The following NEDD9 variants were observed in gnomAD, a reference collection of about 807,000 sequenced individuals.
NEDD9 encodes the protein neural precursor cell expressed, developmentally down-regulated 9, also known as enhancer of filamentation 1.
A neutral mutation model predicts 76.6 loss-of-function variants in NEDD9; 26 were observed. That is an observed-to-expected ratio of 0.34 (90% CI 0.25 to 0.47). NEDD9 has a LOEUF of 0.47. Among genes scored for constraint, NEDD9 ranks in the 20% least tolerant of loss-of-function variants. The pLI is 1.00. For missense variants in NEDD9, 937 were observed against 1,058.5 expected (o/e 0.89, Z 1.59); for synonymous variants, 392 against 414.2 (o/e 0.95, Z 0.65).
intron 1 of NEDD9, among the ~76,000 whole-genome samples, chr6:11,349,517 A>G (rs2113533015): frequency 6.6e-6 from 1 of 152,364 alleles, no homozygotes; most frequent in East Asian, 1.9e-4. Flanking sequence ...CATGGAATCA[A>G]CCACAATGGC....
At chr6:11,189,870 C>T in intron 5 of NEDD9, 94 bp downstream of exon 5, 2 of 1,416,944 alleles carry the variant, frequency 1.4e-6, no homozygotes, top group Non-Finnish European at 1.9e-6. Context: ...ATGTTCTCTC[C>T]TTTGGCAGTC....
At chr6:11,346,485 C>A (rs148258194) in intron 1 of NEDD9, among the ~76,000 whole-genome samples, 14 of 150,852 alleles carry the variant, frequency 9.3e-5, no homozygotes, top group East Asian at 2.3e-4. Context: ...AGGCCCCCCC[C>A]CCCGAGGTGA....
At position 11,252,133 on chromosome 6, in the gene NEDD9, G is replaced by A. The variant is rs766713918; in HGVS notation, c.13-38406C>T. Among the ~76,000 whole-genome samples the A allele has an allele frequency of 6.6e-6, 1 of 152,174 alleles. No individual in the cohort carries two copies. Among genetic ancestry groups the A allele is most frequent in the African/African-American group, 2.4e-5 (1 of 41,450 alleles). ...TTGTGTTAATATCTTCTAGCTGGGC[G>A]CTGTAGTGCTCTCTCAGCCAGATCT... On this transcript the variant is annotated intron_variant, in intron 3 of 3. Coordinates refer to the NEDD9 transcript ENST00000397378. The surrounding 1 kb of genome is among the most constrained non-coding windows in gnomAD (Gnocchi z 4.3).
intron 2 of NEDD9, among the ~76,000 whole-genome samples, chr6:11,309,805 A>G (rs983074252): frequency 6.6e-6 from 1 of 152,226 alleles, no homozygotes; most frequent in African/African-American, 2.4e-5. Context: ...TTGACTGCTA[A>G]TAACATCAGT....
intron 3 of NEDD9, among the ~76,000 whole-genome samples, chr6:11,293,032 T>G (rs542494130): frequency 6.6e-6 from 1 of 152,314 alleles, no homozygotes; most frequent in South Asian, 2.1e-4. Context: ...TCTCTACAGG[T>G]GGTTCCAGTC....
intron 2 of NEDD9, among the ~76,000 whole-genome samples, chr6:11,308,250 T>C (rs1761250850): frequency 6.6e-6 from 1 of 151,892 alleles, no homozygotes; most frequent in Non-Finnish European, 1.5e-5. Context: ...GGCTTCTTCC[T>C]GTGGCACATG....
At position 11,370,100 on chromosome 6, in the gene NEDD9, T is replaced by C. The variant is rs1762834974; in HGVS notation, c.-214+12039A>G. Among the ~76,000 whole-genome samples, 1 of 152,228 alleles carries C rather than the reference T, an allele frequency of 6.6e-6. No individual in the cohort carries two copies. Among genetic ancestry groups the C allele is most frequent in the South Asian group, 2.1e-4 (1 of 4,834 alleles). On this transcript the variant is annotated intron_variant, in intron 1 of 3. Coordinates refer to the NEDD9 transcript ENST00000397378. This position sits in a 1 kb window ranked among gnomAD's most constrained non-coding sequence, Gnocchi z 4.2. Reference sequence around the variant, plus strand: ...CATTAGGGATGTCAACTGAGGTATATAAAGAGTCTTTTCCCTAAGGAACAT... The same window carrying C: ...CATTAGGGATGTCAACTGAGGTATACAAAGAGTCTTTTCCCTAAGGAACAT...
chr6:11,255,823 C>T (rs773480815), intron 3 of NEDD9, among the ~76,000 whole-genome samples: 11 of 152,110 alleles, frequency 7.2e-5, no homozygotes, highest in Non-Finnish European at 1.6e-4. Flanking sequence ...AGGAATCCCT[C>T]TGGCTGCATA....
chr6:11,294,678 T>C (rs1226563535), intron 3 of NEDD9, among the ~76,000 whole-genome samples: 1 of 152,220 alleles, frequency 6.6e-6, no homozygotes, highest in Non-Finnish European at 1.5e-5. Flanking sequence ...TTTACATTCC[T>C]ACCAACAGTA....
intron 1 of NEDD9, among the ~76,000 whole-genome samples, chr6:11,346,741 C>T (rs1355225332): frequency 6.6e-6 from 1 of 152,164 alleles, no homozygotes; most frequent in Non-Finnish European, 1.5e-5. Context: ...TTTGATCACT[C>T]AGCCAGTAGC....
rs59651160 is a variant in NEDD9, at chr6:11,199,637, C to CTTTTTTTTTTTTTTTTTTTTTTTTTTT, written c.460-5972_460-5946dup. ...AAAATGAAGAAAAGCTAGGAAAGAT[C>CTTTTTTTTTTTTTTTTTTTTTTTTTTT]TTTTTTTTTTTTTTTTTTTTTTTTT... On this transcript the variant is annotated intron_variant, in intron 2 of 6. Coordinates refer to ENST00000379446, the MANE Select transcript of NEDD9 (RefSeq NM_006403.4). The CTTTTTTTTTTTTTTTTTTTTTTTTTTT allele has an allele frequency of 7.0e-5, 3 of 43,110 alleles. 1 individual carries two copies. The highest frequency in any genetic ancestry group is 1.3e-4 in the Non-Finnish European group (3 of 23,372). 2.7% of individuals were successfully genotyped at this position (43,110 alleles called of 1,614,324 possible).
intron 3 of NEDD9, among the ~76,000 whole-genome samples, chr6:11,286,468 A>G (rs2113367548): frequency 6.6e-6 from 1 of 152,318 alleles, no homozygotes; most frequent in African/African-American, 2.4e-5. Flanking sequence ...TGATTCCTAG[A>G]TTTTTATCCA....
chr6:11,304,940 G>T (rs1761141515), intron 3 of NEDD9: 3 of 526,752 alleles, frequency 5.7e-6, no homozygotes, highest in South Asian at 4.0e-5. Context: ...ATGTACCCTA[G>T]AACTTAAAAT....
intron 3 of NEDD9, among the ~76,000 whole-genome samples, chr6:11,258,280 C>T (rs1251622604): frequency 1.3e-5 from 2 of 152,212 alleles, no homozygotes; most frequent in Non-Finnish European, 2.9e-5. Context: ...GGGGCTGAAC[C>T]AGGCCACCAA....
At chr6:11,319,568 A>G (rs1380634351) in intron 2 of NEDD9, among the ~76,000 whole-genome samples, 1 of 142,110 alleles carries the variant, frequency 7.0e-6, no homozygotes, top group African/African-American at 2.8e-5. Context: ...GGACACACAC[A>G]CTAATATGCA....
intron 2 of NEDD9, among the ~76,000 whole-genome samples, chr6:11,319,613 ACACT>A (rs1212399407): frequency 1.5e-4 from 15 of 98,968 alleles, no homozygotes; most frequent in East Asian, 4.5e-4. Flanking sequence ...ATGCACACTC[ACACT>A]CACACACACA....
At chr6:11,305,920 C>T (rs16871236) in intron 3 of NEDD9, 506,763 of 1,500,572 alleles carry the variant, frequency 0.34, 90,155 homozygotes, top group East Asian at 0.64. Flanking sequence ...ATTATTATTG[C>T]AGAGAATTTA....
chr6:11,197,522 T>A (rs1758322783), intron 2 of NEDD9, among the ~76,000 whole-genome samples: 1 of 152,096 alleles, frequency 6.6e-6, no homozygotes, highest in South Asian at 2.1e-4. Context: ...TCTCAGTAAC[T>A]AACGGGAGGG....
At chr6:11,231,274 T>C (rs780836566) in intron 1 of NEDD9, among the ~76,000 whole-genome samples, 9 of 152,248 alleles carry the variant, frequency 5.9e-5, no homozygotes, top group Non-Finnish European at 1.3e-4. Context: ...AAATAGCTGA[T>C]ACCTGTGTCT....
Sources: gnomAD v4.1 joint callset for allele counts (sites outside exome capture counted in the v4.1 genomes callset) on GRCh38, gnomAD v4.1.1 for gene constraint, Gnocchi (gnomAD v3.1) non-coding constraint, MANE v1.5 for transcripts, NCBI Gene and HGNC (gene_info 2026-07-23, HGNC 2026-07-21) for gene names.